HECW1: variants seen among roughly 807,000 people sequenced by gnomAD.
The protein encoded by HECW1 is HECT, C2 and WW domain containing E3 ubiquitin protein ligase 1.
HECW1 carries 61 observed loss-of-function variants against 182.3 expected under a neutral mutation model. The ratio of observed to expected loss-of-function variants is 0.33; its 90% CI spans 0.27 to 0.41. The LOEUF is 0.41. Ranked by LOEUF, HECW1 falls within the 10% of genes least tolerant of loss-of-function variation. The pLI is 1.00. For missense variants in HECW1, 1,739 were observed against 2,108.9 expected (o/e 0.82, Z 3.44); for synonymous variants, 859 against 832.6 (o/e 1.03, Z -0.55).
intron 19 of HECW1, among the ~76,000 whole-genome samples, chr7:43,497,046 T>C (rs1328584368): frequency 3.3e-5 from 5 of 152,124 alleles, no homozygotes. Context: ...CTGCATAATA[T>C]GTTAAGTGCC....
At chr7:43,147,999 T>C (rs1376562144) in intron 2 of HECW1, among the ~76,000 whole-genome samples, 1 of 152,226 alleles carries the variant, frequency 6.6e-6, no homozygotes, top group Non-Finnish European at 1.5e-5. Flanking sequence ...AAAGGCATAA[T>C]AATATTTATA....
chr7:43,452,739 T>C (rs529656855), intron 12 of HECW1, among the ~76,000 whole-genome samples: 5 of 152,262 alleles, frequency 3.3e-5, no homozygotes, highest in African/African-American at 1.2e-4. Context: ...TAGACCAGGG[T>C]GAGGGATCTC....
chr7:43,234,847 G>T (rs1200904244), intron 2 of HECW1, among the ~76,000 whole-genome samples: 1 of 152,162 alleles, frequency 6.6e-6, no homozygotes, highest in Non-Finnish European at 1.5e-5. Context: ...ACAAACATTT[G>T]CTGAGTGAAT....
In HECW1 at chr7:43,564,788, T is replaced by C. The variant is rs1356920000; in HGVS notation, c.*2862T>C. The C allele has an allele frequency of 5.5e-6, 1 of 181,336 alleles. No individual in the cohort carries two copies. Among genetic ancestry groups the C allele is most frequent in the Non-Finnish European group, 1.2e-5 (1 of 84,932 alleles). The allele number at this position is 181,336 out of a possible 1,614,324, so 11.2% of individuals were successfully genotyped here. Reference sequence around the variant, plus strand: ...CATTCAATATGTATATGAAATGAAATAGCTATAGAACTAAATTTCACTTAG... The same window carrying C: ...CATTCAATATGTATATGAAATGAAACAGCTATAGAACTAAATTTCACTTAG... On this transcript the variant is annotated 3_prime_UTR_variant, in exon 30 of 30. Coordinates refer to ENST00000395891, the MANE Select transcript of HECW1 (RefSeq NM_015052.5).
intron 28 of HECW1, among the ~76,000 whole-genome samples, chr7:43,554,082 G>C (rs2081940890): frequency 6.6e-6 from 1 of 152,242 alleles, no homozygotes; most frequent in Non-Finnish European, 1.5e-5. Flanking sequence ...GGGCTGGCCT[G>C]AGAGCAGCTG....
intron 3 of HECW1, among the ~76,000 whole-genome samples, chr7:43,275,277 T>TA (rs1802977341): frequency 1.3e-5 from 2 of 152,174 alleles, no homozygotes; most frequent in African/African-American, 4.8e-5. Flanking sequence ...TTTAATAAAA[T>TA]AAAAATCTCT....
intron 3 of HECW1, 107 bp downstream of exon 3, chr7:43,244,039 G>A (rs1245543996): frequency 3.4e-6 from 3 of 887,372 alleles, no homozygotes; most frequent in East Asian, 2.4e-5. Context: ...CGGTTGCCCA[G>A]CCCAGGAATT....
At chr7:43,266,854 A>G (rs942116203) in intron 3 of HECW1, among the ~76,000 whole-genome samples, 1 of 152,228 alleles carries the variant, frequency 6.6e-6, no homozygotes, top group African/African-American at 2.4e-5. Flanking sequence ...AAGACATAAA[A>G]GTAAAATAAA....
chr7:43,473,031 G>A (rs2078081781), intron 16 of HECW1, among the ~76,000 whole-genome samples: 1 of 152,206 alleles, frequency 6.6e-6, no homozygotes, highest in African/African-American at 2.4e-5. Context: ...AGTGGAAGGT[G>A]TTTGGGTCAC....
At chr7:43,256,523 C>T (rs1405596084) in intron 3 of HECW1, among the ~76,000 whole-genome samples, 6 of 150,888 alleles carry the variant, frequency 4.0e-5, no homozygotes, top group African/African-American at 1.2e-4. Context: ...GCAGGAGAAT[C>T]GCTTGAACCT....
intron 3 of HECW1, among the ~76,000 whole-genome samples, chr7:43,311,036 G>C (rs192635523): frequency 3.5e-4 from 53 of 152,216 alleles, no homozygotes; most frequent in Non-Finnish European, 2.9e-5. Context: ...CATCAGGTTG[G>C]CTCATTTTAA....
intron 24 of HECW1, chr7:43,511,831 A>C: frequency 5.6e-6 from 1 of 179,852 alleles, no homozygotes; most frequent in East Asian, 9.2e-5. Context: ...AGCAAAGGGA[A>C]GCTAGGAGAG....
At chr7:43,478,423 CAA>C (rs933273116) in intron 16 of HECW1, among the ~76,000 whole-genome samples, 1 of 149,166 alleles carries the variant, frequency 6.7e-6, no homozygotes, top group South Asian at 2.1e-4. Context: ...AACTCCGTCT[CAA>C]AAAAAAAGTG....
intron 2 of HECW1, among the ~76,000 whole-genome samples, chr7:43,175,355 C>T (rs907112242): frequency 6.6e-6 from 1 of 152,194 alleles, no homozygotes; most frequent in Non-Finnish European, 1.5e-5. Flanking sequence ...TAGGTCTGAA[C>T]TTACTACTCT....
intron 24 of HECW1, chr7:43,512,065 G>C (rs2079901555): frequency 9.1e-6 from 2 of 218,916 alleles, no homozygotes; most frequent in African/African-American, 2.2e-5. Context: ...GCTGATCTCG[G>C]GTCGGTGTCA....
At chr7:43,522,483 C>T (rs56336485) in intron 24 of HECW1, 4,354 of 152,490 alleles carry the variant, frequency 0.029, 82 homozygotes, top group Non-Finnish European at 0.043. Flanking sequence ...CTGTCTCCAG[C>T]CATAAGCGGG....
intron 2 of HECW1, among the ~76,000 whole-genome samples, chr7:43,214,165 T>G (rs1241304652): frequency 6.6e-6 from 1 of 151,946 alleles, no homozygotes; most frequent in Non-Finnish European, 1.5e-5. Flanking sequence ...TCATATATAT[T>G]TCTCTCTAAT....
At chr7:43,256,263 T>G (rs1016505444) in intron 3 of HECW1, among the ~76,000 whole-genome samples, 3 of 152,182 alleles carry the variant, frequency 2.0e-5, no homozygotes, top group South Asian at 4.1e-4. Flanking sequence ...GAAGATCTCA[T>G]GGAGCACTGT....
At chr7:43,273,880 G>A (rs1802744821) in intron 3 of HECW1, among the ~76,000 whole-genome samples, 1 of 148,516 alleles carries the variant, frequency 6.7e-6, no homozygotes, top group South Asian at 2.1e-4. Flanking sequence ...TTGAGATGGA[G>A]TCTCTCTGTC....
Sources: gnomAD v4.1 joint callset for allele counts (sites outside exome capture counted in the v4.1 genomes callset) on GRCh38, gnomAD v4.1.1 for gene constraint, MANE v1.5 for transcripts, NCBI Gene and HGNC (gene_info 2026-07-23, HGNC 2026-07-21) for gene names.